The following CEP128 variants were observed in gnomAD, a reference collection of about 807,000 sequenced individuals.
The protein encoded by CEP128 is centrosomal protein 128kDa.
Under a neutral mutation model 156.7 loss-of-function variants are expected in CEP128, and 132 were observed. The ratio of observed to expected loss-of-function variants is 0.84; its 90% confidence interval spans 0.73 to 0.97. The LOEUF is 0.97. CEP128 is among the 50% of genes least tolerant of loss of function. CEP128 has a pLI of 0.00. For missense variants in CEP128, 1,252 were observed against 1,281.9 expected, an observed-to-expected ratio of 0.98 and a Z score of 0.36; for synonymous variants, 469 against 448.9, an observed-to-expected ratio of 1.04 and a Z score of -0.57.
chr14:80,738,147 C>T (rs10132917), intron 19 of CEP128, among the ~76,000 whole-genome samples: 9,852 of 152,036 alleles, frequency 0.065, 1,062 homozygotes, highest in African/African-American at 0.23. Context: ...AAGTGATAGA[C>T]GAATGAGTGA....
intron 5 of CEP128, 48 bp from the exon 6 acceptor site, chr14:80,904,979 G>C (rs201105206): frequency 9.3e-7 from 1 of 1,074,808 alleles, no homozygotes; most frequent in Non-Finnish European, 1.5e-6. Context: ...TGCATGAGAA[G>C]AGACAATCTA....
At chr14:80,685,835 A>G (rs1235558137) in intron 19 of CEP128, among the ~76,000 whole-genome samples, 1 of 152,122 alleles carries the variant, frequency 6.6e-6, no homozygotes, top group Non-Finnish European at 1.5e-5. Flanking sequence ...TCTTCAACAA[A>G]GTCAACAAAA....
chr14:80,777,984 T>C lies in CEP128; in HGVS notation c.2274A>G (p.Lys758=), dbSNP rs372948834. The C allele has an allele frequency of 1.2e-6, 2 of 1,613,640 alleles. No individual in the cohort carries two copies. The highest frequency in any genetic ancestry group is 1.7e-6 in the Non-Finnish European group (2 of 1,179,804). The change falls in exon 16 of 25, where the codon AAA becomes AAG. Residue 758 remains lysine (K), a synonymous_variant. Coordinates refer to ENST00000555265, the MANE Select transcript of CEP128 (RefSeq NM_152446.5). ...CCTCTGTCAGTCTGTCACACTGTGA[T>C]TTCAACTTCTCCAGCTGACCACGAT... ...KIHRGQLEKL[K]SQCDRLTEEL...
intron 21 of CEP128, among the ~76,000 whole-genome samples, chr14:80,558,497 C>G (rs759908813): frequency 1.3e-5 from 2 of 152,280 alleles, no homozygotes; most frequent in Non-Finnish European, 2.9e-5. Flanking sequence ...ACCATGTTAG[C>G]CAGGATGGTC....
At chr14:80,849,821 A>G (rs1886797154) in intron 9 of CEP128, among the ~76,000 whole-genome samples, 1 of 152,154 alleles carries the variant, frequency 6.6e-6, no homozygotes, top group Non-Finnish European at 1.5e-5. Flanking sequence ...GATGGACAAC[A>G]GTGTACAAAA....
At chr14:80,929,125 T>A (rs533562939) in intron 2 of CEP128, among the ~76,000 whole-genome samples, 2 of 151,464 alleles carry the variant, frequency 1.3e-5, no homozygotes, top group South Asian at 4.2e-4. Flanking sequence ...AAAAAAATGA[T>A]CAACATCACT....
chr14:80,854,700 C>T lies in CEP128; in HGVS notation c.762+8057G>A, dbSNP rs1887061206. 3.3e-5 allele frequency among the ~76,000 whole-genome samples: 5 copies of T among 152,172 alleles called. No homozygotes were observed. In the South Asian group the frequency reaches 8.3e-4, roughly 25 times the overall value. ...TCACATTTAGTTATATTAAAAAACG[C>T]TTTTTGTACTAAATATTTAATAATG... On this transcript the variant is annotated intron_variant, in intron 9 of 24. Coordinates refer to ENST00000555265, the MANE Select transcript of CEP128 (RefSeq NM_152446.5).
At chr14:80,801,042 C>T (rs1821387404) in intron 13 of CEP128, among the ~76,000 whole-genome samples, 1 of 152,140 alleles carries the variant, frequency 6.6e-6, no homozygotes, top group Non-Finnish European at 1.5e-5. Flanking sequence ...CAGATTTCAC[C>T]ACTGGTGGCT....
At chr14:80,867,634 A>G (rs1887830012) in intron 8 of CEP128, among the ~76,000 whole-genome samples, 1 of 152,118 alleles carries the variant, frequency 6.6e-6, no homozygotes, top group African/African-American at 2.4e-5. Context: ...GAGCTCAAAG[A>G]CAGGTCATTT....
chr14:80,861,761 C>T (rs1344150387), intron 9 of CEP128, among the ~76,000 whole-genome samples: 1 of 152,054 alleles, frequency 6.6e-6, no homozygotes, highest in Admixed American at 6.6e-5. Flanking sequence ...ATAGATTAAG[C>T]CATAGTATTT....
At chr14:80,729,057 GGGTGTGTGTGTGTGTGTGTGTGT>G (rs1898139915) in intron 19 of CEP128, among the ~76,000 whole-genome samples, 3 of 102,146 alleles carry the variant, frequency 2.9e-5, no homozygotes, top group East Asian at 2.2e-4. Context: ...GGGCTGGTGG[GGGTGTGTGTGTGTGTGTGTGTGT>G]GTGTGTGTGT....
At chr14:80,683,745 G>T (rs8021625) in intron 19 of CEP128, among the ~76,000 whole-genome samples, 3,524 of 152,010 alleles carry the variant, frequency 0.023, 128 homozygotes, top group African/African-American at 0.08. Context: ...CATTCAAAAA[G>T]ATTAAAATTA....
chr14:80,748,271 T>C (rs1443870995), intron 18 of CEP128, among the ~76,000 whole-genome samples: 1 of 152,180 alleles, frequency 6.6e-6, no homozygotes, highest in African/African-American at 2.4e-5. Context: ...GAAACTTCCA[T>C]GTGAATACAG....
intron 19 of CEP128, among the ~76,000 whole-genome samples, chr14:80,731,391 A>G (rs187435447): frequency 1.3e-5 from 2 of 152,312 alleles, no homozygotes; most frequent in East Asian, 3.9e-4. Context: ...TTATTTTAAG[A>G]GTTACATAAG....
intron 2 of CEP128, among the ~76,000 whole-genome samples, chr14:80,927,193 G>A (rs897326891): frequency 2.1e-4 from 32 of 152,128 alleles, no homozygotes; most frequent in African/African-American, 4.1e-4. Flanking sequence ...ACACCCCGTC[G>A]GACAAAAGAA....
At chr14:80,484,359 G>A (rs1162233440) in intron 14 of CEP128, among the ~76,000 whole-genome samples, 1 of 152,154 alleles carries the variant, frequency 6.6e-6, no homozygotes, top group African/African-American at 2.4e-5. Context: ...AAATATCAAA[G>A]TGGTGATGAT....
In CEP128 at chr14:80,559,177, TC is replaced by T; in HGVS notation, c.2880+101del. 1.9e-6 allele frequency: 2 copies of T among 1,050,472 alleles called. 1 individual carries two copies. The highest frequency in any genetic ancestry group is 2.9e-6 in the Non-Finnish European group (2 of 691,870). The allele number at this position is 1,050,472 out of a possible 1,614,324, so 65.1% of individuals were successfully genotyped here. On this transcript the variant is annotated intron_variant, in intron 21 of 24. Transcript: ENST00000555265. ...CCCTTTGACATCTTAGATGTAGTTTTCGAAATGATTTCTGAAACTGTTTCCT... is the reference window on the plus strand; with the variant it reads ...CCCTTTGACATCTTAGATGTAGTTTTGAAATGATTTCTGAAACTGTTTCCT...
intron 2 of CEP128, among the ~76,000 whole-genome samples, chr14:80,957,630 G>A (rs928986025): frequency 2.0e-5 from 3 of 152,196 alleles, no homozygotes; most frequent in African/African-American, 7.2e-5. Context: ...GGCTCTGACA[G>A]TGAAAAGGAA....
At chr14:80,930,021 G>A (rs1885368587) in intron 2 of CEP128, among the ~76,000 whole-genome samples, 1 of 152,172 alleles carries the variant, frequency 6.6e-6, no homozygotes, top group Non-Finnish European at 1.5e-5. Flanking sequence ...CTTTCTGTCA[G>A]ATCAGCGGTG....
Sources: gnomAD v4.1 joint callset for allele counts (sites outside exome capture counted in the v4.1 genomes callset) on GRCh38, gnomAD v4.1.1 for gene constraint, MANE v1.5 for transcripts, NCBI Gene and HGNC (gene_info 2026-07-23, HGNC 2026-07-21) for gene names.